SIDT1: variants seen among roughly 807,000 people sequenced by gnomAD.
The protein encoded by SIDT1 is SID1 transmembrane family, member 1.
A neutral mutation model predicts 107.5 loss-of-function variants in SIDT1; 101 were observed. The ratio of observed to expected loss-of-function variants is 0.94; its 90% CI spans 0.80 to 1.11. The LOEUF is 1.11. Among genes scored for constraint, SIDT1 ranks in the 50% least tolerant of loss-of-function variants. The pLI is 0.00. For missense variants in SIDT1, 1,076 were observed against 1,058.2 expected (o/e 1.02, Z -0.23); for synonymous variants, 395 against 398.2 (o/e 0.99, Z 0.10).
At chr3:113,601,705 A>T in intron 11 of SIDT1, 46 bp downstream of exon 11, 2 of 1,406,268 alleles carry the variant, frequency 1.4e-6, no homozygotes, top group South Asian at 2.4e-5. Context: ...CTAATTCTGC[A>T]GAGAATATGA....
chr3:113,581,539 G>T, intron 6 of SIDT1, 95 bp downstream of exon 6: 1 of 985,526 alleles, frequency 1.0e-6, no homozygotes, highest in East Asian at 2.4e-5. Flanking sequence ...GGCCATCCAT[G>T]ATGTGCCTAG....
intron 17 of SIDT1, among the ~76,000 whole-genome samples, chr3:113,610,619 A>G (rs1250352570): frequency 3.3e-5 from 5 of 152,184 alleles, no homozygotes; most frequent in Non-Finnish European, 7.3e-5. Flanking sequence ...GGCTCATTTT[A>G]TGGTCACACT....
At position 113,532,853 on chromosome 3, in the gene SIDT1, C is replaced by T; in HGVS notation, c.-169C>T. On this transcript the variant is annotated 5_prime_UTR_variant, in exon 1 of 25. Coordinates refer to ENST00000264852, the MANE Select transcript of SIDT1 (RefSeq NM_017699.3). ...CCAGGCGGCAGCATCAGTATTTGAT[C>T]GGCCCTTCGTCAGCACGCTGCCAGC... The T allele has an allele frequency of 2.3e-6, 1 of 437,384 alleles. No individual in the cohort carries two copies. Among genetic ancestry groups the T allele is most frequent in the Non-Finnish European group, 3.9e-6 (1 of 255,238 alleles). 27.1% of individuals were successfully genotyped at this position (437,384 alleles called of 1,614,324 possible). A position where few individuals can be genotyped will look rare whatever the true frequency, so the allele number is the denominator to read the frequency against.
chr3:113,623,547 C>T lies in SIDT1; in HGVS notation c.2196+15C>T. 6.2e-7 allele frequency: 1 copy of T among 1,608,328 alleles called. No homozygotes were observed. The highest frequency in any genetic ancestry group is 1.7e-4 in the Middle Eastern group (1 of 6,058). ...TCATCATGAAGGTAAGAGCGGGTGCCGGGAGCGGCTACCTCGGGCCCTCGG... is the reference window on the plus strand; with the variant it reads ...TCATCATGAAGGTAAGAGCGGGTGCTGGGAGCGGCTACCTCGGGCCCTCGG... On this transcript the variant is annotated intron_variant, in intron 22 of 24. Transcript: ENST00000264852.
chr3:113,575,508 C>T (rs892436696), intron 3 of SIDT1, among the ~76,000 whole-genome samples: 5 of 152,230 alleles, frequency 3.3e-5, no homozygotes, highest in African/African-American at 1.2e-4. Flanking sequence ...CTCACTTTAG[C>T]TTCTTTAGGC....
rs113497320 is a variant in SIDT1 at position 113,623,024 on chromosome 3, CA to C, written c.2091-395del. ...GCAACATAGCAAGACCCTGCCTCTA[CA>C]AAAAAAATTTTAAAAGTTAGCTGGA... On this transcript the variant is annotated intron_variant, in intron 21 of 24. Transcript: ENST00000264852. 8.5e-3 allele frequency among the ~76,000 whole-genome samples: 1,283 copies of C among 151,068 alleles called. 34 individuals are homozygous for C. Among genetic ancestry groups the C allele is most frequent in the African/African-American group, 0.029 (1,203 of 41,158 alleles).
chr3:113,571,010 C>T (rs1220668826), intron 3 of SIDT1, among the ~76,000 whole-genome samples: 1 of 152,192 alleles, frequency 6.6e-6, no homozygotes, highest in African/African-American at 2.4e-5. Context: ...CTTCTGACTC[C>T]CAGTTCTGCG....
In SIDT1 at chr3:113,611,012, C is replaced by T. The variant is rs1162189032; in HGVS notation, c.1725C>T (p.Thr575=). 2 of 1,613,378 alleles carry T rather than the reference C, an allele frequency of 1.2e-6. No individual in the cohort carries two copies. Among genetic ancestry groups the T allele is most frequent in the Admixed American group, 3.3e-5 (2 of 59,928 alleles). The part of the protein sequence containing the change: ...CPNYSNFQFD[T]SFMYMIAGLC... ...GCTCCTCCTTTGGGTCCTCAGACAC[C>T]TCCTTCATGTACATGATCGCTGGCC... The change falls in exon 18 of 25, where the codon ACC becomes ACT. Residue 575 remains threonine (T), a synonymous_variant. Coordinates refer to ENST00000264852, the MANE Select transcript of SIDT1 (RefSeq NM_017699.3).
At chr3:113,608,364 C>G in intron 16 of SIDT1, 55 bp from the exon 17 acceptor site, 1 of 1,530,354 alleles carries the variant, frequency 6.5e-7, no homozygotes, top group Non-Finnish European at 9.0e-7. Context: ...AGATTAGTGA[C>G]TTGGTGGATA....
chr3:113,537,390 GC>G (rs536516682), intron 1 of SIDT1, among the ~76,000 whole-genome samples: 13 of 152,154 alleles, frequency 8.5e-5, no homozygotes, highest in Non-Finnish European at 1.8e-4. Context: ...ACAATGAAAT[GC>G]CCATGTGGAC....
rs1576825198 is a variant in SIDT1, at chr3:113,577,083, C to A, written c.561+116C>A. On this transcript the variant is annotated intron_variant, in intron 4 of 24. Transcript: ENST00000264852. ...GTGTGGTGTTGCCCTTGACCTTTCA[C>A]AACTTGAAGTATATTTGTATTCCAC... 1.2e-5 allele frequency: 11 copies of A among 936,112 alleles called. No individual in the cohort carries two copies. The East Asian group carries it at 2.4e-4, about 21-fold the overall frequency. The allele number at this position is 936,112 out of a possible 1,614,324, so 58.0% of individuals were successfully genotyped here. A position where few individuals can be genotyped will look rare whatever the true frequency, so the allele number is the denominator to read the frequency against.
chr3:113,601,731 G>A, intron 11 of SIDT1, 72 bp downstream of exon 11: 1 of 1,061,774 alleles, frequency 9.4e-7, no homozygotes, highest in Non-Finnish European at 1.4e-6. Flanking sequence ...AGGCATTCCA[G>A]CCACTAATAA....
At chr3:113,538,036 G>A (rs1361105879) in intron 1 of SIDT1, among the ~76,000 whole-genome samples, 2 of 152,152 alleles carry the variant, frequency 1.3e-5, no homozygotes, top group African/African-American at 2.4e-5. Flanking sequence ...ACCCACCTCA[G>A]CCTCCCAAAG....
Position 113,549,930 on chromosome 3 carries a change from T to C in SIDT1, c.223-16490T>C, listed in dbSNP as rs181614969. ...TAATTTTTATGAAAGGTATGAGGTC[T>C]CTGTCTAGATGGGAGGGATTTTTTT... On this transcript the variant is annotated intron_variant, in intron 1 of 24. Transcript: ENST00000264852. Among the ~76,000 whole-genome samples the C allele has an allele frequency of 2.0e-3, 311 of 152,332 alleles. 1 individual carries two copies. The highest frequency in any genetic ancestry group is 7.1e-3 in the African/African-American group (295 of 41,588).
intron 14 of SIDT1, among the ~76,000 whole-genome samples, chr3:113,605,941 A>G (rs375896631): frequency 2.6e-5 from 4 of 151,574 alleles, no homozygotes; most frequent in East Asian, 2.0e-4. Flanking sequence ...GGAGGTGTAG[A>G]TTGCAGTAAG....
chr3:113,607,017 C>T, intron 14 of SIDT1, 24 bp from the exon 15 acceptor site: 6 of 1,524,662 alleles, frequency 3.9e-6, no homozygotes, highest in Non-Finnish European at 5.5e-6. Flanking sequence ...ACCACATTTC[C>T]TCTTCTCACT....
At chr3:113,555,755 T>C (rs955937900) in intron 1 of SIDT1, among the ~76,000 whole-genome samples, 6 of 152,038 alleles carry the variant, frequency 3.9e-5, no homozygotes, top group Admixed American at 2.0e-4. Flanking sequence ...GGAATAAACT[T>C]CACTTTTCAA....
chr3:113,636,931 C>G, the SIDT1 span, among the ~76,000 whole-genome samples: 1 of 152,124 alleles, frequency 6.6e-6, no homozygotes, highest in Non-Finnish European at 1.5e-5. Context: ...TTAACAACAG[C>G]CCTGTGAAGT....
At chr3:113,566,051 G>T (rs1046985837) in intron 1 of SIDT1, among the ~76,000 whole-genome samples, 1 of 152,036 alleles carries the variant, frequency 6.6e-6, no homozygotes, top group South Asian at 2.1e-4. Context: ...ATCTTGTGTT[G>T]CCTGCTCCGT....
Sources: gnomAD v4.1 joint callset for allele counts (sites outside exome capture counted in the v4.1 genomes callset) on GRCh38, gnomAD v4.1.1 for gene constraint, MANE v1.5 for transcripts, NCBI Gene and HGNC (gene_info 2026-07-23, HGNC 2026-07-21) for gene names.